SMOC2: variants seen among roughly 807,000 people sequenced by gnomAD.
The protein encoded by SMOC2 is SPARC-related modular calcium-binding protein 2.
SMOC2 carries 39 observed loss-of-function variants against 61.4 expected under a neutral mutation model. The ratio of observed to expected loss-of-function variants is 0.64; its 90% CI spans 0.49 to 0.83. The LOEUF is 0.83. SMOC2 is among the 40% of genes least tolerant of loss of function. The probability of loss-of-function intolerance (pLI) is 0.00; values close to 1 mark genes in which losing one functional copy is unlikely to be tolerated. For synonymous variants in SMOC2, 247 were observed against 239.9 expected, an observed-to-expected ratio of 1.03 and a Z score of -0.27; for missense variants, 556 against 592.9, an observed-to-expected ratio of 0.94 and a Z score of 0.65.
intron 9 of SMOC2, among the ~76,000 whole-genome samples, chr6:168,637,012 A>G (rs1168226751): frequency 6.7e-6 from 1 of 149,178 alleles, no homozygotes; most frequent in South Asian, 2.1e-4. Context: ...ACTCATTCCA[A>G]GTCCTCTCTG....
At chr6:168,536,176 G>A (rs1783729252) in intron 4 of SMOC2, among the ~76,000 whole-genome samples, 1 of 152,164 alleles carries the variant, frequency 6.6e-6, no homozygotes, top group Non-Finnish European at 1.5e-5. Context: ...CCTGGGTTGA[G>A]GTGAGGGGCC....
chr6:168,663,101 TAG>T (rs1265812630), intron 11 of SMOC2, among the ~76,000 whole-genome samples: 2 of 120,488 alleles, frequency 1.7e-5, no homozygotes, highest in African/African-American at 3.4e-5. Flanking sequence ...TGTCAGGAAA[TAG>T]AGAGTATTTA....
At chr6:168,547,349 C>A (rs77078747) in intron 6 of SMOC2, among the ~76,000 whole-genome samples, 180 bp downstream of exon 6, 113 of 117,540 alleles carry the variant, frequency 9.6e-4, no homozygotes, top group African/African-American at 7.2e-3. Flanking sequence ...TTAAAAAAAA[C>A]AAACAAACAA....
At chr6:168,622,718 T>C (rs1270208929) in intron 9 of SMOC2, among the ~76,000 whole-genome samples, 1 of 152,088 alleles carries the variant, frequency 6.6e-6, no homozygotes, top group Non-Finnish European at 1.5e-5. Flanking sequence ...AGATGCCATT[T>C]CTCTAATCCA....
chr6:168,447,189 C>T (rs1431406214), intron 1 of SMOC2, among the ~76,000 whole-genome samples: 1 of 152,144 alleles, frequency 6.6e-6, no homozygotes, highest in Non-Finnish European at 1.5e-5. Context: ...GCCTCAGCCT[C>T]CTGAGGAGCT....
chr6:168,499,510 C>T (rs1018054460), intron 1 of SMOC2, among the ~76,000 whole-genome samples: 2 of 152,112 alleles, frequency 1.3e-5, no homozygotes, highest in African/African-American at 2.4e-5. Context: ...ATGAAGTGTG[C>T]GGCAGATGGG....
At chr6:168,605,290 C>T (rs1785657686) in intron 8 of SMOC2, among the ~76,000 whole-genome samples, 1 of 152,114 alleles carries the variant, frequency 6.6e-6, no homozygotes, top group South Asian at 2.1e-4. Flanking sequence ...AACCCCAGAG[C>T]GTGTCTTTCA....
intron 11 of SMOC2, 70 bp downstream of exon 11, chr6:168,653,298 A>G (rs1787245815): frequency 3.3e-6 from 5 of 1,530,418 alleles, no homozygotes; most frequent in Non-Finnish European, 4.4e-6. Flanking sequence ...TGCTTCTCAC[A>G]AACACAATTA....
At position 168,453,642 on chromosome 6, in the gene SMOC2, GTC is replaced by G. The variant is rs1327706346; in HGVS notation, c.84+12192_84+12193del. ...TGTCTCTGTCTCTTTGTCTCTCTCT[GTC>G]TCTTTCTCTCTGTCTCTTCCTGTCT... On this transcript the variant is annotated intron_variant, in intron 1 of 12. Transcript: ENST00000356284. This position sits in a 1 kb window ranked among gnomAD's most constrained non-coding sequence, Gnocchi z 4.4. Among the ~76,000 whole-genome samples, 2 of 150,512 alleles carry G rather than the reference GTC, an allele frequency of 1.3e-5. No homozygotes were observed. Among genetic ancestry groups the G allele is most frequent in the Non-Finnish European group, 3.0e-5 (2 of 67,580 alleles).
intron 7 of SMOC2, 65 bp from the exon 8 acceptor site, chr6:168,598,753 A>G (rs1785392917): frequency 4.5e-6 from 7 of 1,558,068 alleles, no homozygotes; most frequent in Non-Finnish European, 6.2e-6. Context: ...TGGCCTCCCA[A>G]GAGCTCTGCA....
At chr6:168,569,255 T>C (rs1784613728) in intron 7 of SMOC2, among the ~76,000 whole-genome samples, 1 of 152,252 alleles carries the variant, frequency 6.6e-6, no homozygotes, top group Non-Finnish European at 1.5e-5. Flanking sequence ...TCATTATTGT[T>C]TTAATTGCAA....
chr6:168,599,225 C>T (rs1785426747), intron 8 of SMOC2, among the ~76,000 whole-genome samples: 1 of 145,856 alleles, frequency 6.9e-6, no homozygotes, highest in Non-Finnish European at 1.5e-5. Flanking sequence ...CACACACACC[C>T]ATGGTCTCTC....
chr6:168,590,065 G>A (rs1163395915), intron 7 of SMOC2, among the ~76,000 whole-genome samples: 1 of 52,298 alleles, frequency 1.9e-5, no homozygotes, highest in Non-Finnish European at 3.7e-5. Flanking sequence ...ATTAGTTTAG[G>A]GGGCAGCCGG....
chr6:168,663,036 TGAG>T (rs1234847750), intron 11 of SMOC2, among the ~76,000 whole-genome samples: 1 of 152,212 alleles, frequency 6.6e-6, no homozygotes, highest in Admixed American at 6.5e-5. Flanking sequence ...TAATCTGGAC[TGAG>T]GAGAGAAAGA....
At chr6:168,633,380 A>AGCCCAGATGAGGGCAGGGAC (rs1227178993) in intron 9 of SMOC2, among the ~76,000 whole-genome samples, 4 of 152,110 alleles carry the variant, frequency 2.6e-5, no homozygotes, top group Non-Finnish European at 4.4e-5. Flanking sequence ...GCGGGAGGGG[A>AGCCCAGATGAGGGCAGGGAC]GCCCAGATGA....
At chr6:168,575,329 C>T (rs1583124876) in intron 7 of SMOC2, among the ~76,000 whole-genome samples, 1 of 152,152 alleles carries the variant, frequency 6.6e-6, no homozygotes, top group Non-Finnish European at 1.5e-5. Context: ...TCCTTAGATT[C>T]CCCCCGACTT....
rs543860456 is a variant in SMOC2, at chr6:168,547,867, C to T, written c.562+698C>T. On this transcript the variant is annotated intron_variant, in intron 6 of 12. Coordinates refer to ENST00000356284, the MANE Select transcript of SMOC2 (RefSeq NM_001166412.2). ...CCATGGTGCATTCTCATGAGGGTTT[C>T]GTTAAATACACATTTCTAAGTTGAA... is the stretch of plus-strand genomic sequence containing the variant. 2.0e-5 allele frequency among the ~76,000 whole-genome samples: 3 copies of T among 152,064 alleles called. No homozygotes were observed. In the South Asian group the frequency reaches 6.2e-4, roughly 32 times the overall value.
intron 7 of SMOC2, among the ~76,000 whole-genome samples, chr6:168,585,733 C>G (rs1309539104): frequency 6.6e-6 from 1 of 152,238 alleles, no homozygotes; most frequent in Non-Finnish European, 1.5e-5. Context: ...GATGTTTTAC[C>G]TGCATTGTCA....
chr6:168,472,407 A>G (rs1043641425), intron 1 of SMOC2, among the ~76,000 whole-genome samples: 2 of 152,104 alleles, frequency 1.3e-5, no homozygotes, highest in African/African-American at 4.8e-5. Context: ...ATTGGTGTAT[A>G]TATTTATTTT....
Sources: gnomAD v4.1 joint callset for allele counts (sites outside exome capture counted in the v4.1 genomes callset) on GRCh38, gnomAD v4.1.1 for gene constraint, Gnocchi (gnomAD v3.1) non-coding constraint, MANE v1.5 for transcripts, NCBI Gene and HGNC (gene_info 2026-07-23, HGNC 2026-07-21) for gene names.